VAPA: variants seen among roughly 807,000 people sequenced by gnomAD.
VAPA encodes VAMP associated protein A, also known as vesicle-associated membrane protein-associated protein A.
A neutral mutation model predicts 25.6 loss-of-function variants in VAPA; 6 were observed. That is an observed-to-expected ratio of 0.23 (90% confidence interval 0.13 to 0.46). The LOEUF (loss-of-function observed/expected upper bound fraction) is 0.46. VAPA is among the 20% of genes least tolerant of loss of function. The pLI is 0.99. For missense variants in VAPA, 244 were observed against 302.1 expected (o/e 0.81, Z 1.43); for synonymous variants, 112 against 106.2 (o/e 1.05, Z -0.34).
At chr18:9,937,108 CTCAGTT>C in intron 4 of VAPA, 42 bp downstream of exon 4, 1 of 1,534,990 alleles carries the variant, frequency 6.5e-7, no homozygotes, top group South Asian at 1.1e-5. Flanking sequence ...CTGTTGAGCT[CTCAGTT>C]CCTTTGATTA....
intron 1 of VAPA, among the ~76,000 whole-genome samples, chr18:9,918,922 G>A (rs1024553151): frequency 2.0e-5 from 3 of 152,052 alleles, no homozygotes; most frequent in African/African-American, 7.2e-5. Context: ...TTTGAGATGG[G>A]GTCTTGCTCA....
chr18:9,935,869 G>T (rs1330435009), intron 2 of VAPA, among the ~76,000 whole-genome samples: 1 of 152,170 alleles, frequency 6.6e-6, no homozygotes, highest in African/African-American at 2.4e-5. Context: ...TAGAAAGACA[G>T]ACAATTTAAA....
chr18:9,929,145 A>G (rs1481592003), intron 1 of VAPA, among the ~76,000 whole-genome samples: 3 of 152,122 alleles, frequency 2.0e-5, no homozygotes, highest in Non-Finnish European at 2.9e-5. Context: ...AAGAGTACAC[A>G]TTTTTCCTGT....
chr18:9,936,047 T>G, intron 2 of VAPA, 63 bp from the exon 3 acceptor site: 1 of 1,196,156 alleles, frequency 8.4e-7, no homozygotes. Flanking sequence ...TCTGTAACTG[T>G]TTCAATGTAT....
intron 4 of VAPA, among the ~76,000 whole-genome samples, chr18:9,940,779 G>C (rs1051801159): frequency 2.6e-5 from 4 of 152,104 alleles, no homozygotes; most frequent in Non-Finnish European, 5.9e-5. Flanking sequence ...GGATGTTTTT[G>C]AGTGTTTATA....
At chr18:9,932,831 G>A (rs1334177192) in intron 2 of VAPA, among the ~76,000 whole-genome samples, 3 of 152,086 alleles carry the variant, frequency 2.0e-5, no homozygotes, top group Admixed American at 6.5e-5. Context: ...CATTTAGGCC[G>A]GGCGCGGTGG....
chr18:9,927,210 T>C (rs1402808933), intron 1 of VAPA, among the ~76,000 whole-genome samples: 1 of 152,142 alleles, frequency 6.6e-6, no homozygotes, highest in African/African-American at 2.4e-5. Flanking sequence ...ACAGGGCAGA[T>C]AGATATGCTG....
intron 2 of VAPA, 149 bp from the exon 3 acceptor site, chr18:9,935,961 C>A: frequency 2.3e-6 from 1 of 440,014 alleles, no homozygotes; most frequent in Non-Finnish European, 3.9e-6. Flanking sequence ...TTTAAATTTG[C>A]ATATTTGTGA....
intron 1 of VAPA, among the ~76,000 whole-genome samples, chr18:9,926,165 G>A (rs886985265): frequency 3.3e-5 from 5 of 152,096 alleles, no homozygotes; most frequent in African/African-American, 9.7e-5. Context: ...TAGCTGTTCC[G>A]TTAGTAGATA....
intron 1 of VAPA, chr18:9,914,993 G>A (rs1002200063): frequency 6.6e-6 from 1 of 152,386 alleles, no homozygotes; most frequent in Non-Finnish European, 1.5e-5. Flanking sequence ...TCAGGTGTAG[G>A]ACGCGCCGGG....
At position 9,920,405 on chromosome 18, in the gene VAPA, C is replaced by T. The variant is rs531831871; in HGVS notation, c.79+6070C>T. On this transcript the variant is annotated intron_variant, in intron 1 of 5. Coordinates refer to ENST00000400000, the MANE Select transcript of VAPA (RefSeq NM_194434.3). ...GCAACCTCTGCCTCCCGAGTTCAAG[C>T]GATGCTCCTGCCTCAGCCTCCCAAG... 4.3e-4 allele frequency among the ~76,000 whole-genome samples: 65 copies of T among 152,304 alleles called. No individual in the cohort carries two copies. In the East Asian group the frequency reaches 8.1e-3, roughly 19 times the overall value.
Position 9,959,417 on chromosome 18 carries a change from A to T in VAPA, c.*5206A>T, listed in dbSNP as rs904151615. On this transcript the variant is annotated 3_prime_UTR_variant, in exon 6 of 6. Transcript: ENST00000400000. ...CAATCTCAGTCCGTGAACAAAACCA[A>T]CATGAACATTCCTAAACAAGAGTGT... is the stretch of plus-strand genomic sequence containing the variant. The T allele has an allele frequency of 6.6e-6, 1 of 152,200 alleles. No homozygotes were observed. Among genetic ancestry groups the T allele is most frequent in the Non-Finnish European group, 1.5e-5 (1 of 68,036 alleles). The allele number at this position is 152,200 out of a possible 1,614,324, so 9.4% of individuals were successfully genotyped here. A position where few individuals can be genotyped will look rare whatever the true frequency, so the allele number is the denominator to read the frequency against.
chr18:9,942,412 A>G (rs983464644), intron 4 of VAPA, among the ~76,000 whole-genome samples: 2 of 152,166 alleles, frequency 1.3e-5, no homozygotes, highest in Non-Finnish European at 2.9e-5. Context: ...AGAGATAACA[A>G]GTCTTGAACT....
chr18:9,926,774 C>G (rs1309390601), intron 1 of VAPA, among the ~76,000 whole-genome samples: 2 of 152,066 alleles, frequency 1.3e-5, no homozygotes, highest in Non-Finnish European at 2.9e-5. Flanking sequence ...GTGAACAAAC[C>G]TGCCCCTCTC....
rs1350935049 is a variant in VAPA, at chr18:9,959,525, C to T, written c.*5314C>T. On this transcript the variant is annotated 3_prime_UTR_variant, in exon 6 of 6. Transcript: ENST00000400000. ...GACTGGAGAACAGAATGTGACTGGC[C>T]TTTTCTAATGGTCCTTTAAGATTTA... is the stretch of plus-strand genomic sequence containing the variant. 1 of 151,950 alleles carries T rather than the reference C, an allele frequency of 6.6e-6. No homozygotes were observed. The allele number at this position is 151,950 out of a possible 1,614,324, so 9.4% of individuals were successfully genotyped here. A position where few individuals can be genotyped will look rare whatever the true frequency, so the allele number is the denominator to read the frequency against.
intron 1 of VAPA, among the ~76,000 whole-genome samples, chr18:9,929,813 G>A (rs2069235270): frequency 6.6e-6 from 1 of 152,052 alleles, no homozygotes; most frequent in Admixed American, 6.6e-5. Flanking sequence ...GTAGTTAAGT[G>A]GGTTTATTAT....
In VAPA at chr18:9,954,061, T is replaced by C. The variant is rs3025557; in HGVS notation, c.600T>C (p.Gly200=). 52,932 of 1,613,764 alleles carry C rather than the reference T, an allele frequency of 0.033. 1,014 individuals are homozygous for C. Among genetic ancestry groups the C allele is most frequent in the Non-Finnish European group, 0.039 (45,566 of 1,179,890 alleles). ...GTGTGTTTTTTTTCTAGGATGAAGGTTTAAGGCTCAGAAAGGTAGCACATT... is the reference window on the plus strand; with the variant it reads ...GTGTGTTTTTTTTCTAGGATGAAGGCTTAAGGCTCAGAAAGGTAGCACATT... The part of the protein sequence containing the change: ...SEENRHLRDE[G]LRLRKVAHSD... Residue 200 remains glycine (G), a synonymous_variant, in exon 6 of 6, where the codon GGT becomes GGC. Transcript: ENST00000400000.
At chr18:9,940,132 C>G (rs1200597205) in intron 4 of VAPA, among the ~76,000 whole-genome samples, 4 of 152,170 alleles carry the variant, frequency 2.6e-5, no homozygotes, top group Admixed American at 2.6e-4. Context: ...TGATCTTCCA[C>G]CTTCCATCCT....
chr18:9,931,335 A>G (rs922343672), intron 1 of VAPA, among the ~76,000 whole-genome samples: 12 of 152,218 alleles, frequency 7.9e-5, no homozygotes, highest in African/African-American at 2.9e-4. Context: ...GAATGAATGA[A>G]TGGATTGAAT....
Sources: gnomAD v4.1 joint callset for allele counts (sites outside exome capture counted in the v4.1 genomes callset) on GRCh38, gnomAD v4.1.1 for gene constraint, MANE v1.5 for transcripts, NCBI Gene and HGNC (gene_info 2026-07-23, HGNC 2026-07-21) for gene names.